Variants in RRP12 observed in about 807,000 individuals in gnomAD.
RRP12 encodes the protein ribosomal RNA processing 12 homolog.
RRP12 carries 78 observed loss-of-function variants against 157.3 expected under a neutral mutation model. The observed-to-expected ratio is 0.50, with a 90% CI of 0.41 to 0.60. The LOEUF (loss-of-function observed/expected upper bound fraction) is 0.60. Among genes scored for constraint, RRP12 ranks in the 20% least tolerant of loss-of-function variants. The probability of loss-of-function intolerance (pLI) is 0.00; values close to 1 mark genes in which losing one functional copy is unlikely to be tolerated. For synonymous variants in RRP12, 726 were observed against 670.9 expected (o/e 1.08, Z -1.27); for missense variants, 1,521 against 1,679.9 (o/e 0.91, Z 1.65).
intron 33 of RRP12, among the ~76,000 whole-genome samples, chr10:97,358,054 G>A (rs1337689418): frequency 6.6e-6 from 1 of 152,100 alleles, no homozygotes; most frequent in African/African-American, 2.4e-5. Flanking sequence ...GCAGTTCAGG[G>A]CGGGGCACGG....
Position 97,366,168 on chromosome 10 carries a change from G to A in RRP12, c.3457C>T (p.Arg1153Trp), listed in dbSNP as rs375300316. ...DHGFKVSADG[R>W]LIIREEADGN... The stretch of plus-strand genomic sequence containing the variant: ...TCTGCCTCCTCCCTTATGATCAGCC[G>A]GCCATCGGCGCTCACCTTGAAGCCG... Residue 1153 changes from arginine (R) to tryptophan (W), a missense_variant, in exon 29 of 34, where the codon CGG becomes TGG. Arg to Trp is a moderately radical substitution (Grantham distance 101). Coordinates refer to ENST00000370992, the MANE Select transcript of RRP12 (RefSeq NM_015179.4). The A allele has an allele frequency of 9.3e-6, 15 of 1,609,562 alleles. No homozygotes were observed. The African/African-American group carries it at 1.2e-4, about 13-fold the overall frequency.
chr10:97,370,177 G>T lies in RRP12; in HGVS notation c.2787C>A (p.Phe929Leu), dbSNP rs377544960. ...GAAATAAGCATTTACCTTTAAACTC[G>T]AAAAGGAGGTGGGTCAGGGCCAGGA... ...CSILALTHLL[F>L]EFKGLMGTST... is the part of the protein sequence containing the mutation. Residue 929 changes from phenylalanine to leucine, a missense_variant, in exon 24 of 34, where the codon TTC (phenylalanine) becomes TTA (leucine). By Grantham distance (22) the Phe-to-Leu change is conservative. Transcript: ENST00000370992. 6.2e-7 allele frequency: 1 copy of T among 1,600,108 alleles called. No individual in the cohort carries two copies. The highest frequency in any genetic ancestry group is 2.2e-5 in the East Asian group (1 of 44,446).
At chr10:97,388,009 A>C in intron 8 of RRP12, 1 of 479,410 alleles carries the variant, frequency 2.1e-6, no homozygotes, top group Non-Finnish European at 3.7e-6. Context: ...AGGAGGGTTT[A>C]CCAGCCCACT....
intron 15 of RRP12, among the ~76,000 whole-genome samples, chr10:97,377,735 T>G (rs529248066): frequency 6.6e-6 from 1 of 151,162 alleles, no homozygotes; most frequent in Non-Finnish European, 1.5e-5. Flanking sequence ...TCCCAGCTCC[T>G]TGGGAGGCTG....
At chr10:97,373,773 G>T (rs372895940) in intron 16 of RRP12, 36 bp from the exon 17 acceptor site, 2 of 1,611,808 alleles carry the variant, frequency 1.2e-6, no homozygotes, top group Admixed American at 3.3e-5. Context: ...AAGGTGACAC[G>T]CAGCCACCTG....
At chr10:97,372,194 G>T in intron 19 of RRP12, 28 bp from the exon 20 acceptor site, 1 of 1,585,904 alleles carries the variant, frequency 6.3e-7, no homozygotes. Context: ...ACAAGGAGAG[G>T]GATGGGGAGC....
At chr10:97,398,014 TATATATATGTATATATATATACG>T (rs1564772456) in intron 2 of RRP12, among the ~76,000 whole-genome samples, 1 of 71,768 alleles carries the variant, frequency 1.4e-5, no homozygotes, top group East Asian at 4.5e-4. Context: ...TACATATATA[TATATATATGTATATATATATACG>T]TATTTTTTTT....
Position 97,400,509 on chromosome 10 carries a change from A to T in RRP12, c.165T>A (p.Ala55=). ...ACTGCAGCTCATTATGTAACTTCACAGCATCGACTGTCAGGTCACTCCTTC... is the reference window on the plus strand; with the variant it reads ...ACTGCAGCTCATTATGTAACTTCACTGCATCGACTGTCAGGTCACTCCTTC... ...PSGRSDLTVD[A]VKLHNELQSG... Residue 55 remains alanine, a synonymous_variant, in exon 2 of 34, where the codon GCT becomes GCA. Coordinates refer to ENST00000370992, the MANE Select transcript of RRP12 (RefSeq NM_015179.4). The T allele has an allele frequency of 6.2e-7, 1 of 1,613,924 alleles. No individual in the cohort carries two copies. The highest frequency in any genetic ancestry group is 8.5e-7 in the Non-Finnish European group (1 of 1,179,984).
intron 27 of RRP12, 51 bp downstream of exon 27, chr10:97,366,691 G>T: frequency 6.2e-7 from 1 of 1,600,922 alleles, no homozygotes; most frequent in Non-Finnish European, 8.5e-7. Context: ...TGCCTGGGCA[G>T]GCCCTTGGGT....
At chr10:97,385,579 C>G (rs1447595894) in intron 9 of RRP12, among the ~76,000 whole-genome samples, 6 of 152,144 alleles carry the variant, frequency 3.9e-5, no homozygotes, top group African/African-American at 9.7e-5. Context: ...TCTGATCCCC[C>G]CTCCCAATAT....
At position 97,373,863 on chromosome 10, in the gene RRP12, C is replaced by G; in HGVS notation, c.1830G>C (p.Val610=). The G allele has an allele frequency of 3.7e-6, 6 of 1,613,728 alleles. No individual in the cohort carries two copies. Among genetic ancestry groups the G allele is most frequent in the Non-Finnish European group, 4.2e-6 (5 of 1,179,908 alleles). The change falls in exon 16 of 34, where the codon GTG becomes GTC. Residue 610 remains valine, a synonymous_variant. Coordinates refer to ENST00000370992, the MANE Select transcript of RRP12 (RefSeq NM_015179.4). ...AMDLAQAGST[V]ESKIYDTLQW... ...GGAGTGTGTCGTAGATCTTAGATTC[C>G]ACTGTGCTGCCTGCCTGAGCCAGGT... is the stretch of plus-strand genomic sequence containing the variant.
chr10:97,367,032 T>G lies in RRP12; in HGVS notation c.3047+9A>C, dbSNP rs754215670. The G allele has an allele frequency of 1.2e-6, 2 of 1,613,966 alleles. No individual in the cohort carries two copies. The highest frequency in any genetic ancestry group is 8.5e-7 in the Non-Finnish European group (1 of 1,179,952). On this transcript the variant is annotated intron_variant, in intron 26 of 33. Transcript: ENST00000370992. ...TTGCCCTACCCCCGCCCCTGCTCAGTGCACAGACCCAAACTTGCGGATGAA... is the reference window on the plus strand; with the variant it reads ...TTGCCCTACCCCCGCCCCTGCTCAGGGCACAGACCCAAACTTGCGGATGAA...
At position 97,370,811 on chromosome 10, in the gene RRP12, C is replaced by A; in HGVS notation, c.2503-15G>T. On this transcript the variant is annotated splice_polypyrimidine_tract_variant and intron_variant, in intron 21 of 33. Coordinates refer to ENST00000370992, the MANE Select transcript of RRP12 (RefSeq NM_015179.4). Reference sequence around the variant, plus strand: ...TTCAAACGGGGCTGTGGGCAAAGGGCTACCAGTCAGGACCCCTCAATGCTA... The same window carrying A: ...TTCAAACGGGGCTGTGGGCAAAGGGATACCAGTCAGGACCCCTCAATGCTA... The A allele has an allele frequency of 1.2e-6, 2 of 1,613,086 alleles. No homozygotes were observed. Among genetic ancestry groups the A allele is most frequent in the Non-Finnish European group, 1.7e-6 (2 of 1,179,380 alleles).
chr10:97,399,533 T>C (rs1845077906), intron 2 of RRP12, among the ~76,000 whole-genome samples: 1 of 151,710 alleles, frequency 6.6e-6, no homozygotes, highest in African/African-American at 2.4e-5. Context: ...TAACAAAAAA[T>C]ATATATAACT....
At chr10:97,367,373 T>C in intron 25 of RRP12, 1 of 575,818 alleles carries the variant, frequency 1.7e-6, no homozygotes, top group Non-Finnish European at 3.1e-6. Flanking sequence ...AGAGCTTTAG[T>C]CTTCTCAACA....
rs1843726839 is a variant in RRP12, at chr10:97,357,021, G to T, written c.*73C>A. 4.9e-6 allele frequency: 4 copies of T among 809,846 alleles called. No individual in the cohort carries two copies. The South Asian group carries it at 6.2e-5, about 13-fold the overall frequency. The allele number at this position is 809,846 out of a possible 1,614,324, so 50.2% of individuals were successfully genotyped here. A position where few individuals can be genotyped will look rare whatever the true frequency, so the allele number is the denominator to read the frequency against. ...TCTGCCAGAATCTTGAGCACCTGGA[G>T]CTGGTGGCAAGGCAGCCTGGGGGCT... On this transcript the variant is annotated 3_prime_UTR_variant, in exon 34 of 34. Transcript: ENST00000370992.
At chr10:97,393,139 T>C in intron 4 of RRP12, 1 of 341,250 alleles carries the variant, frequency 2.9e-6, no homozygotes, top group South Asian at 2.3e-5. Flanking sequence ...CCACCCAAAG[T>C]GCTGGGATTA....
At chr10:97,371,923 A>G (rs1189866139) in intron 20 of RRP12, 150 bp downstream of exon 20, 6 of 600,372 alleles carry the variant, frequency 1.0e-5, no homozygotes, top group Non-Finnish European at 1.8e-5. Flanking sequence ...GCTACACAGG[A>G]CACAAAGAGA....
In RRP12 at chr10:97,385,174, G is replaced by A; in HGVS notation, c.1200C>T (p.Asn400=). Residue 400 remains asparagine, a synonymous_variant, in exon 10 of 34, where the codon AAC becomes AAT. Transcript: ENST00000370992. ...CCCTCCTTCATCCGTACCTCACCAG[G>A]TTGATGTGGGCTTTCTCCATGACCT... ...WLKVMEKAHI[N]LVRLQWDLGL... 1 of 1,613,114 alleles carries A rather than the reference G, an allele frequency of 6.2e-7. No homozygotes were observed. The highest frequency in any genetic ancestry group is 8.5e-7 in the Non-Finnish European group (1 of 1,179,110).
Sources: allele counts gnomAD v4.1 joint callset (sites outside exome capture counted in the v4.1 genomes callset), GRCh38; gene constraint gnomAD v4.1.1; transcripts MANE v1.5; gene names NCBI Gene and HGNC (gene_info 2026-07-23, HGNC 2026-07-21).